Variants in CEP68 observed in about 807,000 individuals in gnomAD.
The protein encoded by CEP68 is centrosomal protein of 68 kDa.
CEP68 carries 26 observed loss-of-function variants against 55.3 expected under a neutral mutation model. The observed-to-expected ratio is 0.47, with a 90% CI of 0.34 to 0.65. CEP68 has a LOEUF of 0.65. Ranked by LOEUF, CEP68 falls within the 30% of genes least tolerant of loss-of-function variation. CEP68 has a pLI of 0.01. For synonymous variants in CEP68, 402 were observed against 383.2 expected (o/e 1.05, Z -0.57); for missense variants, 957 against 946.7 (o/e 1.01, Z -0.14).
intron 2 of CEP68, 138 bp from the exon 3 acceptor site, chr2:65,071,316 C>T (rs1332404769): frequency 7.2e-6 from 5 of 696,002 alleles, no homozygotes; most frequent in Non-Finnish European, 1.2e-5. Context: ...TGGTTCTTGC[C>T]TCAGGCAGCA....
chr2:65,066,745 A>AAAATATATATAT (rs70943620), intron 1 of CEP68, among the ~76,000 whole-genome samples: 7 of 58,404 alleles, frequency 1.2e-4, no homozygotes, highest in Non-Finnish European at 2.1e-4. Context: ...AAAAAAAAAA[A>AAAATATATATAT]ATATATATAT....
chr2:65,079,822 A>G (rs1676924060), intron 5 of CEP68, among the ~76,000 whole-genome samples: 1 of 152,084 alleles, frequency 6.6e-6, no homozygotes, highest in Non-Finnish European at 1.5e-5. Flanking sequence ...TCCTCTCTTC[A>G]CAGAGGCCAT....
chr2:65,071,830 G>A lies in CEP68; in HGVS notation c.734G>A (p.Arg245Gln), dbSNP rs377365226. Reference protein sequence around the residue: ...EPSSVVGLGPRPQWSPQPVFS... With the variant: ...EPSSVVGLGPQPQWSPQPVFS... Reference sequence around the variant, plus strand: ...TCCTCTGTGGTGGGGCTAGGACCTCGGCCCCAGTGGTCACCACAGCCTGTG... The same window carrying A: ...TCCTCTGTGGTGGGGCTAGGACCTCAGCCCCAGTGGTCACCACAGCCTGTG... Residue 245 changes from arginine (R) to glutamine (Q), a missense_variant, in exon 3 of 7, where the codon CGG becomes CAG. Transcript: ENST00000377990. 4.5e-5 allele frequency: 72 copies of A among 1,602,960 alleles called. No individual in the cohort carries two copies. The highest frequency in any genetic ancestry group is 5.5e-5 in the Non-Finnish European group (65 of 1,173,538).
At chr2:65,074,174 T>G (rs982334634) in intron 3 of CEP68, 108 bp from the exon 4 acceptor site, 1 of 1,338,690 alleles carries the variant, frequency 7.5e-7, no homozygotes, top group South Asian at 1.3e-5. Context: ...GAGAGGAAAC[T>G]GAAGGTGCAC....
chr2:65,070,197 G>T (rs1240986935), intron 2 of CEP68, among the ~76,000 whole-genome samples: 1 of 152,124 alleles, frequency 6.6e-6, no homozygotes. Flanking sequence ...GGGCTCCTGG[G>T]GGCTCTGAAC....
intron 1 of CEP68, among the ~76,000 whole-genome samples, chr2:65,069,076 C>T (rs1481619697): frequency 1.3e-5 from 2 of 152,068 alleles, no homozygotes; most frequent in Non-Finnish European, 2.9e-5. Flanking sequence ...TGGGGTTGGG[C>T]TAAAAGGGCA....
At position 65,057,843 on chromosome 2, in the gene CEP68, TG is replaced by T. The variant is rs757189034; in HGVS notation, c.-47+1320del. Among the ~76,000 whole-genome samples, 163 of 152,138 alleles carry T rather than the reference TG, an allele frequency of 1.1e-3. 2 individuals are homozygous for T. Among genetic ancestry groups the T allele is most frequent in the Non-Finnish European group, 1.6e-3 (110 of 68,028 alleles). On this transcript the variant is annotated intron_variant, in intron 1 of 6. Coordinates refer to ENST00000377990, the MANE Select transcript of CEP68 (RefSeq NM_015147.3). ...TGATTAATTTTTTTTTTAATGGTGA[TG>T]GGGGTCTTGCCATGTTGTCCAGGCT... is the stretch of plus-strand genomic sequence containing the variant.
intron 1 of CEP68, among the ~76,000 whole-genome samples, chr2:65,058,887 T>G (rs1345355571): frequency 1.3e-5 from 2 of 152,132 alleles, no homozygotes; most frequent in Non-Finnish European, 2.9e-5. Context: ...AGATTATCTG[T>G]TTATGTGTCT....
intron 1 of CEP68, among the ~76,000 whole-genome samples, chr2:65,061,111 A>T (rs1675890757): frequency 6.6e-6 from 1 of 152,082 alleles, no homozygotes; most frequent in African/African-American, 2.4e-5. Flanking sequence ...TGGGAGGTGG[A>T]GGTTGCAGTG....
intron 4 of CEP68, 82 bp from the exon 5 acceptor site, chr2:65,077,786 C>T: frequency 3.9e-6 from 4 of 1,038,366 alleles, no homozygotes; most frequent in Non-Finnish European, 5.8e-6. Flanking sequence ...TAAGGCTTCC[C>T]TACATGCTGT....
Position 65,086,359 on chromosome 2 carries a change from A to G in CEP68, c.*2725A>G, listed in dbSNP as rs531564882. ...TTTACTAAGTGAACAGATTATTAAA[A>G]CCTGTAGTAGCTTTGAACCGTTTGT... On this transcript the variant is annotated 3_prime_UTR_variant, in exon 7 of 7. Transcript: ENST00000377990. The G allele has an allele frequency of 1.5e-4, 23 of 152,142 alleles. No homozygotes were observed. Among genetic ancestry groups the G allele is most frequent in the African/African-American group, 2.2e-4 (9 of 41,430 alleles). The allele number at this position is 152,142 out of a possible 1,614,324, so 9.4% of individuals were successfully genotyped here.
rs1668977864 is a variant in CEP68 at position 65,084,708 on chromosome 2, A to T, written c.*1074A>T. The T allele has an allele frequency of 6.6e-6, 1 of 152,200 alleles. No homozygotes were observed. The highest frequency in any genetic ancestry group is 1.5e-5 in the Non-Finnish European group (1 of 68,024). 9.4% of individuals were successfully genotyped at this position (152,200 alleles called of 1,614,324 possible). A position where few individuals can be genotyped will look rare whatever the true frequency, so the allele number is the denominator to read the frequency against. ...CAATGGAAACTAAAGTCCTATTATT[A>T]ATGTGACTTTTCTGCTTCAGAATTT... is the stretch of plus-strand genomic sequence containing the variant. On this transcript the variant is annotated 3_prime_UTR_variant, in exon 7 of 7. Coordinates refer to ENST00000377990, the MANE Select transcript of CEP68 (RefSeq NM_015147.3).
At chr2:65,075,615 G>A (rs2103786733) in intron 4 of CEP68, among the ~76,000 whole-genome samples, 1 of 152,264 alleles carries the variant, frequency 6.6e-6, no homozygotes, top group South Asian at 2.1e-4. Context: ...TCTCAGAAGT[G>A]TCCTGAATTG....
Position 65,072,437 on chromosome 2 carries a change from G to A in CEP68, c.1341G>A (p.Ser447=), listed in dbSNP as rs149863693. The change falls in exon 3 of 7, where the codon TCG becomes TCA. Residue 447 remains serine (S), a synonymous_variant. Coordinates refer to ENST00000377990, the MANE Select transcript of CEP68 (RefSeq NM_015147.3). ...QLRTRDRGWP[S]PRPEREKRTS... ...GGACACGGGACAGAGGGTGGCCCTC[G>A]CCCAGGCCAGAGAGGGAGAAGAGGA... 6.1e-4 allele frequency: 992 copies of A among 1,613,970 alleles called. 3 individuals are homozygous for A. In the African/African-American group the frequency reaches 9.9e-3, roughly 16 times the overall value.
At chr2:65,082,744 C>G (rs112961707) in intron 6 of CEP68, 35 bp downstream of exon 6, 52,725 of 1,503,484 alleles carry the variant, frequency 0.035, 1,082 homozygotes, top group Non-Finnish European at 0.041. Context: ...AATTTGCCCA[C>G]CAACCCTGCT....
rs1419888995 is a variant in CEP68, at chr2:65,069,543, C to T, written c.99C>T (p.Ile33=). The T allele has an allele frequency of 6.2e-7, 1 of 1,608,386 alleles. No homozygotes were observed. Among genetic ancestry groups the T allele is most frequent in the African/African-American group, 1.3e-5 (1 of 74,942 alleles). ...GCTGCAGGGAGCGGGAGCTGGACATCCCAGGGCCCATGAGTGGGGAGCAGC... is the reference window on the plus strand; with the variant it reads ...GCTGCAGGGAGCGGGAGCTGGACATTCCAGGGCCCATGAGTGGGGAGCAGC... ...RGSCRERELD[I]PGPMSGEQPP... The change falls in exon 2 of 7, where the codon ATC becomes ATT. Residue 33 remains isoleucine (I), a synonymous_variant. Transcript: ENST00000377990.
intron 1 of CEP68, among the ~76,000 whole-genome samples, chr2:65,064,876 A>G (rs1372985559): frequency 6.6e-6 from 1 of 152,176 alleles, no homozygotes; most frequent in Non-Finnish European, 1.5e-5. Flanking sequence ...AAACGTCTTC[A>G]TGTGCAGTTT....
At chr2:65,069,882 C>T (rs1676377929) in intron 2 of CEP68, 81 bp downstream of exon 2, 11 of 1,211,472 alleles carry the variant, frequency 9.1e-6, no homozygotes, top group Non-Finnish European at 1.2e-5. Flanking sequence ...CATCTTGCAT[C>T]CTTTCCTTGC....
rs10496122 is a variant in CEP68 at position 65,080,290 on chromosome 2, T to G, written c.2105-2246T>G. 6 of 985,278 alleles carry G rather than the reference T, an allele frequency of 6.1e-6. No individual in the cohort carries two copies. The South Asian group carries it at 2.8e-4, about 46-fold the overall frequency. The allele number at this position is 985,278 out of a possible 1,614,324, so 61.0% of individuals were successfully genotyped here. A position where few individuals can be genotyped will look rare whatever the true frequency, so the allele number is the denominator to read the frequency against. ...TTGGTTTTCAGATATGTATCCAGGC[T>G]CTTTCAGATTGACACACAGCCCTTC... On this transcript the variant is annotated intron_variant, in intron 5 of 6. Coordinates refer to ENST00000377990, the MANE Select transcript of CEP68 (RefSeq NM_015147.3).
Sources: allele counts gnomAD v4.1 joint callset (sites outside exome capture counted in the v4.1 genomes callset), GRCh38; gene constraint gnomAD v4.1.1; transcripts MANE v1.5; gene names NCBI Gene and HGNC (gene_info 2026-07-23, HGNC 2026-07-21).